The following SLF1 variants were observed in gnomAD, a reference collection of about 807,000 sequenced individuals.
The protein encoded by SLF1 is SMC5/6 complex localization factor 1.
In SLF1, 105 loss-of-function variants were observed where a neutral mutation model predicts 123.0. The observed-to-expected ratio is 0.85, with a 90% CI of 0.73 to 1.00. The LOEUF is 1.00. Ranked by LOEUF, SLF1 falls within the 50% of genes least tolerant of loss-of-function variation. SLF1 has a pLI of 0.00. For synonymous variants in SLF1, 434 were observed against 406.6 expected (o/e 1.07, Z -0.81); for missense variants, 1,239 against 1,223.0 (o/e 1.01, Z -0.20).
chr5:94,649,566 G>T lies in SLF1; in HGVS notation c.707G>T (p.Gly236Val). Residue 236 changes from glycine to valine, a missense_variant, in exon 6 of 21, where the codon GGT (glycine) becomes GTT (valine). Physicochemically the swap from Gly to Val is moderately radical, Grantham distance 109. Transcript: ENST00000265140. ...GATGCAGGATTTCTTGAAATGAAAGGTGCCTTAAGAGAGACCATGTATAGA... is the reference window on the plus strand; with the variant it reads ...GATGCAGGATTTCTTGAAATGAAAGTTGCCTTAAGAGAGACCATGTATAGA... ...RKDAGFLEMK[G>V]ALRETMYRTQ... is the part of the protein sequence containing the mutation. 6.5e-7 allele frequency: 1 copy of T among 1,537,136 alleles called. No individual in the cohort carries two copies. Among genetic ancestry groups the T allele is most frequent in the Non-Finnish European group, 8.8e-7 (1 of 1,136,984 alleles).
rs753584391 is a variant in SLF1, at chr5:94,653,428, T to C, written c.1032+7T>C. The C allele has an allele frequency of 2.7e-5, 40 of 1,485,146 alleles. No homozygotes were observed. The highest frequency in any genetic ancestry group is 3.4e-5 in the Non-Finnish European group (38 of 1,125,026). The allele number at this position is 1,485,146 out of a possible 1,614,324, so 92.0% of individuals were successfully genotyped here. On this transcript the variant is annotated splice_region_variant and intron_variant, in intron 8 of 20. Transcript: ENST00000265140. ...CATATATAATAGAGATCAGGTAAAG[T>C]TTGTAAGCTAAGCTATAGCTTTCTT... is the stretch of plus-strand genomic sequence containing the variant.
Position 94,695,046 on chromosome 5 carries a change from G to T in SLF1, c.2911G>T (p.Asp971Tyr), listed in dbSNP as rs757466359. Residue 971 changes from aspartate (D) to tyrosine (Y), a missense_variant, in exon 21 of 21, where the codon GAT (aspartate) becomes TAT (tyrosine). Physicochemically the swap from Asp to Tyr is radical, Grantham distance 160. Coordinates refer to ENST00000265140, the MANE Select transcript of SLF1 (RefSeq NM_032290.4). ...GTTGCTAAATTTTTGTTCAATTTTTGATTTATCTTCAGAGTTCATTTTAGC... is the reference window on the plus strand; with the variant it reads ...GTTGCTAAATTTTTGTTCAATTTTTTATTTATCTTCAGAGTTCATTTTAGC... Reference protein sequence around the residue: ...RMLLNFCSIFDLSSEFILASK... With the variant: ...RMLLNFCSIFYLSSEFILASK... The T allele has an allele frequency of 8.7e-6, 14 of 1,612,144 alleles. No individual in the cohort carries two copies. The Admixed American group carries it at 1.3e-4, about 15-fold the overall frequency.
intron 14 of SLF1, among the ~76,000 whole-genome samples, chr5:94,672,955 T>G (rs369932652): frequency 1.3e-5 from 2 of 152,324 alleles, no homozygotes; most frequent in South Asian, 4.1e-4. Context: ...TCTGTTGAAC[T>G]TCTGCCAAGT....
At chr5:94,688,406 A>C (rs1415633593) in intron 16 of SLF1, 100 bp from the exon 17 acceptor site, 7 of 1,276,230 alleles carry the variant, frequency 5.5e-6, no homozygotes, top group Admixed American at 4.5e-5. Flanking sequence ...TGATGCAACC[A>C]AGAAAATATA....
At position 94,621,972 on chromosome 5, in the gene SLF1, TA is replaced by T. The variant is rs879508687; in HGVS notation, c.-1+3217del. 2.0e-3 allele frequency among the ~76,000 whole-genome samples: 303 copies of T among 148,852 alleles called. 2 individuals carry two copies. The highest frequency in any genetic ancestry group is 6.7e-3 in the African/African-American group (274 of 40,726). On this transcript the variant is annotated intron_variant, in intron 1 of 20. Coordinates refer to ENST00000265140, the MANE Select transcript of SLF1 (RefSeq NM_032290.4). ...GGGCAGGAAATAGACACTGTGTCTT[TA>T]AAAAAAAAAGTCTGAAGGCCAGCTG... is the stretch of plus-strand genomic sequence containing the variant.
At chr5:94,653,215 G>T in intron 7 of SLF1, 57 bp from the exon 8 acceptor site, 1 of 1,415,890 alleles carries the variant, frequency 7.1e-7, no homozygotes. Flanking sequence ...AGTTTATTTG[G>T]ATTTTGTAAC....
At chr5:94,675,890 G>T (rs1750989650) in intron 14 of SLF1, among the ~76,000 whole-genome samples, 1 of 145,984 alleles carries the variant, frequency 6.9e-6, no homozygotes, top group African/African-American at 2.6e-5. Context: ...AGGAGGGAAA[G>T]TCCCAACTGG....
chr5:94,661,696 C>G (rs1251230958), intron 9 of SLF1, among the ~76,000 whole-genome samples: 6 of 152,184 alleles, frequency 3.9e-5, no homozygotes. Context: ...GCCACCACGC[C>G]TGGCTAATTT....
chr5:94,673,269 A>T (rs556461297), intron 14 of SLF1, among the ~76,000 whole-genome samples: 1 of 152,184 alleles, frequency 6.6e-6, no homozygotes, highest in East Asian at 1.9e-4. Flanking sequence ...AGCTCCCTTG[A>T]GTACCTCACT....
Position 94,695,397 on chromosome 5 carries a change from T to G in SLF1, c.*85T>G. On this transcript the variant is annotated 3_prime_UTR_variant, in exon 21 of 21. Transcript: ENST00000265140. Reference sequence around the variant, plus strand: ...GTGGACTTCATAGCTTACTGACAGATAGTAATTTGATTTATTTATTGACAG... The same window carrying G: ...GTGGACTTCATAGCTTACTGACAGAGAGTAATTTGATTTATTTATTGACAG... 7.3e-7 allele frequency: 1 copy of G among 1,369,874 alleles called. No homozygotes were observed. The highest frequency in any genetic ancestry group is 2.5e-5 in the East Asian group (1 of 40,312). 84.9% of individuals were successfully genotyped at this position (1,369,874 alleles called of 1,614,324 possible).
intron 1 of SLF1, 26 bp from the exon 2 acceptor site, chr5:94,628,785 A>G (rs1744893043): frequency 1.4e-6 from 2 of 1,443,504 alleles, no homozygotes; most frequent in East Asian, 5.0e-5. Flanking sequence ...AACACACATT[A>G]TCTTCTGTAT....
intron 1 of SLF1, among the ~76,000 whole-genome samples, chr5:94,619,737 T>C (rs1333481690): frequency 9.9e-5 from 15 of 152,242 alleles, no homozygotes; most frequent in Admixed American, 7.2e-4. Flanking sequence ...TTCTTGGAAA[T>C]ACCTGTGGAT....
chr5:94,677,459 C>G (rs1751208949), intron 14 of SLF1, among the ~76,000 whole-genome samples: 1 of 151,974 alleles, frequency 6.6e-6, no homozygotes, highest in Non-Finnish European at 1.5e-5. Flanking sequence ...TCCTTTTATA[C>G]TGTAATCTTT....
intron 3 of SLF1, 22 bp downstream of exon 3, chr5:94,629,189 A>C: frequency 1.3e-6 from 2 of 1,521,302 alleles, no homozygotes; most frequent in Non-Finnish European, 1.8e-6. Flanking sequence ...GTCTTCCCCC[A>C]ACTTTTAAAA....
At chr5:94,687,229 T>A (rs1275645505) in intron 16 of SLF1, among the ~76,000 whole-genome samples, 1 of 152,134 alleles carries the variant, frequency 6.6e-6, no homozygotes, top group Non-Finnish European at 1.5e-5. Flanking sequence ...TGCCTGCAGG[T>A]GAGTGCCTGT....
intron 6 of SLF1, among the ~76,000 whole-genome samples, chr5:94,650,773 A>G (rs1447641013): frequency 6.6e-6 from 1 of 152,114 alleles, no homozygotes; most frequent in Non-Finnish European, 1.5e-5. Context: ...TTTGTAATTT[A>G]CTATATGTGC....
In SLF1 at chr5:94,694,937, T is replaced by C. The variant is rs770311791; in HGVS notation, c.2802T>C (p.Asp934=). 2.5e-6 allele frequency: 4 copies of C among 1,612,426 alleles called. No individual in the cohort carries two copies. The highest frequency in any genetic ancestry group is 2.2e-5 in the South Asian group (2 of 90,960). Residue 934 remains aspartate (D), a synonymous_variant, in exon 21 of 21, where the codon GAT becomes GAC. Transcript: ENST00000265140. ...TGTTTGCTATTACAAAAATAGAAGA[T>C]ACAGTGGAGAACTTTCATGCACAAG... The part of the protein sequence containing the change: ...EELFAITKIE[D]TVENFHAQAE...
At chr5:94,672,457 C>T (rs951822662) in intron 14 of SLF1, among the ~76,000 whole-genome samples, 2 of 151,820 alleles carry the variant, frequency 1.3e-5, no homozygotes, top group South Asian at 4.2e-4. Flanking sequence ...CTCTCTCCCT[C>T]TTTCTCTCCC....
chr5:94,679,088 C>A, intron 15 of SLF1, 133 bp downstream of exon 15: 1 of 916,508 alleles, frequency 1.1e-6, no homozygotes, highest in Non-Finnish European at 1.6e-6. Context: ...TGCACGCACA[C>A]ATAGATTCAC....
Sources: gnomAD v4.1 joint callset for allele counts (sites outside exome capture counted in the v4.1 genomes callset) on GRCh38, gnomAD v4.1.1 for gene constraint, MANE v1.5 for transcripts, NCBI Gene and HGNC (gene_info 2026-07-23, HGNC 2026-07-21) for gene names.